XRN2: variants seen among roughly 807,000 people sequenced by gnomAD.
The protein encoded by XRN2 is 5'-3' exoribonuclease 2, also known as DHM1-like protein.
XRN2 carries 44 observed loss-of-function variants against 138.5 expected under a neutral mutation model. The ratio of observed to expected loss-of-function variants is 0.32; its 90% CI spans 0.25 to 0.41. XRN2 has a LOEUF of 0.41. XRN2 is among the 10% of genes least tolerant of loss of function. The pLI is 1.00. For missense variants in XRN2, 937 were observed against 1,169.3 expected, an observed-to-expected ratio of 0.80 and a Z score of 2.90; for synonymous variants, 354 against 369.4, an observed-to-expected ratio of 0.96 and a Z score of 0.48.
At chr20:21,319,449 T>G (rs763575286) in intron 1 of XRN2, among the ~76,000 whole-genome samples, 3 of 152,150 alleles carry the variant, frequency 2.0e-5, no homozygotes, top group Non-Finnish European at 4.4e-5. Context: ...TTTCTCTATT[T>G]CTCCTTTGTG....
In XRN2 at chr20:21,356,169, T is replaced by A; in HGVS notation, c.2110T>A (p.Ser704Thr). 1 of 1,606,934 alleles carries A rather than the reference T, an allele frequency of 6.2e-7. No individual in the cohort carries two copies. The highest frequency in any genetic ancestry group is 1.3e-5 in the African/African-American group (1 of 74,630). Residue 704 changes from serine (S) to threonine (T), a missense_variant, in exon 22 of 30, where the codon TCC (serine) becomes ACC (threonine). Transcript: ENST00000377191. ...DFILELYQTG[S>T]TEPVEVPPEL... ...CATTTTAGAGCTGTACCAGACAGGT[T>A]CCACAGAGGTATGTTACGCAATTTG...
chr20:21,344,931 C>A (rs1024956203), intron 16 of XRN2, among the ~76,000 whole-genome samples: 1 of 152,170 alleles, frequency 6.6e-6, no homozygotes, highest in East Asian at 1.9e-4. Context: ...GGAAAACGAT[C>A]TATTTCAAAG....
Position 21,348,266 on chromosome 20 carries a change from A to G in XRN2, c.1773+13A>G. ...GGGTACGAAACCGGTAAGCTTAATT[A>G]CTTAAAGTCATAAAGTTTATAGAAT... On this transcript the variant is annotated intron_variant, in intron 18 of 29. Transcript: ENST00000377191. The G allele has an allele frequency of 1.2e-6, 2 of 1,612,918 alleles. No homozygotes were observed. Among genetic ancestry groups the G allele is most frequent in the South Asian group, 2.2e-5 (2 of 90,742 alleles).
In XRN2 at chr20:21,357,760, G is replaced by A. The variant is rs369873705; in HGVS notation, c.2223G>A (p.Met741Ile). The A allele has an allele frequency of 7.5e-6, 12 of 1,598,418 alleles. No homozygotes were observed. In the African/African-American group the frequency reaches 1.1e-4, roughly 14 times the overall value. ...GAATAGTATGTTCTCCTGTTCCTAT[G>A]TTAAGGGATCTGACACAGAACACTG... ...PDQIVCSPVP[M>I]LRDLTQNTVV... The change falls in exon 24 of 30, where the codon ATG becomes ATA. Residue 741 changes from methionine to isoleucine, a missense_variant. Coordinates refer to ENST00000377191, the MANE Select transcript of XRN2 (RefSeq NM_012255.5).
intron 28 of XRN2, among the ~76,000 whole-genome samples, chr20:21,384,194 A>C (rs2038914101): frequency 1.3e-5 from 2 of 152,202 alleles, no homozygotes; most frequent in African/African-American, 4.8e-5. Context: ...CCAGCATTGG[A>C]GTTCCCTTTG....
intron 13 of XRN2, among the ~76,000 whole-genome samples, chr20:21,336,199 C>G (rs987475974): frequency 6.6e-6 from 1 of 152,184 alleles, no homozygotes; most frequent in African/African-American, 2.4e-5. Flanking sequence ...GTGGCTCATG[C>G]CTTTAATCCC....
At chr20:21,320,392 C>T (rs1306638492) in intron 1 of XRN2, among the ~76,000 whole-genome samples, 2 of 151,898 alleles carry the variant, frequency 1.3e-5, no homozygotes, top group Non-Finnish European at 2.9e-5. Flanking sequence ...CTCCACCTCC[C>T]GGGTTCACGC....
intron 27 of XRN2, among the ~76,000 whole-genome samples, chr20:21,371,782 AG>A (rs758584451): frequency 3.3e-5 from 5 of 152,256 alleles, no homozygotes; most frequent in Non-Finnish European, 7.3e-5. Context: ...GAAAGAAGCC[AG>A]AAGGTTCTTT....
At chr20:21,305,250 TCTTA>T (rs1036876031) in intron 1 of XRN2, among the ~76,000 whole-genome samples, 72 of 152,324 alleles carry the variant, frequency 4.7e-4, no homozygotes, top group Middle Eastern at 3.4e-3. Flanking sequence ...TGGATCATCA[TCTTA>T]CTTCATTTGT....
chr20:21,368,520 T>C lies in XRN2; in HGVS notation c.2514T>C (p.Pro838=). 1 of 1,614,100 alleles carries C rather than the reference T, an allele frequency of 6.2e-7. No individual in the cohort carries two copies. The highest frequency in any genetic ancestry group is 8.5e-7 in the Non-Finnish European group (1 of 1,179,960). The change falls in exon 27 of 30, where the codon CCT becomes CCC. Residue 838 remains proline (P), a synonymous_variant. Transcript: ENST00000377191. ...TTTACAGCAATGCTGCACCACCACC[T>C]GTGACTTACCAGGGAAACTTATACA... ...TGIYSNAAPP[P]VTYQGNLYRP...
Position 21,303,337 on chromosome 20 carries a change from G to C in XRN2, c.-62G>C, listed in dbSNP as rs1309957086. 10 of 1,529,682 alleles carry C rather than the reference G, an allele frequency of 6.5e-6. No individual in the cohort carries two copies. In the East Asian group the frequency reaches 2.1e-4, roughly 31 times the overall value. The allele number at this position is 1,529,682 out of a possible 1,614,324, so 94.8% of individuals were successfully genotyped here. A position where few individuals can be genotyped will look rare whatever the true frequency, so the allele number is the denominator to read the frequency against. On this transcript the variant is annotated 5_prime_UTR_variant, in exon 1 of 30. Transcript: ENST00000377191. ...GGAAGTGCTGGTGCCCTCTGCCGCT[G>C]CTCCCGTCTCTTTGGTTACGCTCGT...
chr20:21,348,408 G>GGGGTAGAA lies in XRN2; in HGVS notation c.1842_1843insGGTAGAAG (p.Arg615GlyfsTer7). 1.2e-6 allele frequency: 2 copies of GGGGTAGAA among 1,614,050 alleles called. No individual in the cohort carries two copies. The highest frequency in any genetic ancestry group is 1.7e-6 in the Non-Finnish European group (2 of 1,179,990). On this transcript the variant is annotated frameshift_variant, in exon 19 of 30. Coordinates refer to ENST00000377191, the MANE Select transcript of XRN2 (RefSeq NM_012255.5). LOFTEE classifies it high-confidence loss of function. ...AGTGGTAATTTTCTACCTCCATCAT[G>GGGGTAGAA]GCGGAAGCTCATGAGTGATCCTGTG...
chr20:21,370,218 C>G (rs1222523579), intron 27 of XRN2, among the ~76,000 whole-genome samples: 1 of 152,098 alleles, frequency 6.6e-6, no homozygotes, highest in Non-Finnish European at 1.5e-5. Flanking sequence ...GGTCTGTTAT[C>G]TGTTTTGATG....
At chr20:21,349,095 G>A (rs555992905) in intron 19 of XRN2, among the ~76,000 whole-genome samples, 1 of 152,148 alleles carries the variant, frequency 6.6e-6, no homozygotes, top group African/African-American at 2.4e-5. Context: ...AGACCCAGCC[G>A]GGAAGTAGGA....
rs1360919514 is a variant in XRN2 at position 21,340,707 on chromosome 20, T to C, written c.1279-14T>C. 2 of 1,608,594 alleles carry C rather than the reference T, an allele frequency of 1.2e-6. No individual in the cohort carries two copies. Among genetic ancestry groups the C allele is most frequent in the African/African-American group, 2.7e-5 (2 of 74,744 alleles). ...ATTTAATTTTAATTTCTACATTCAT[T>C]CCATTTATGTTAGAGAGATCAACCA... On this transcript the variant is annotated splice_polypyrimidine_tract_variant and intron_variant, in intron 14 of 29. Coordinates refer to ENST00000377191, the MANE Select transcript of XRN2 (RefSeq NM_012255.5).
At position 21,371,092 on chromosome 20, in the gene XRN2, ACC is replaced by A. The variant is rs201072381; in HGVS notation, c.2584+2505_2584+2506del. Among the ~76,000 whole-genome samples the A allele has an allele frequency of 6.3e-3, 966 of 152,242 alleles. 10 individuals are homozygous for A. Among genetic ancestry groups the A allele is most frequent in the African/African-American group, 0.023 (940 of 41,544 alleles). On this transcript the variant is annotated intron_variant, in intron 27 of 29. Transcript: ENST00000377191. The stretch of plus-strand genomic sequence containing the variant: ...AACAGAGTGATACTTTGTTATAGAT[ACC>A]CCTCAGAGCTGTTTTTAAACCGAAG...
intron 9 of XRN2, 108 bp downstream of exon 9, chr20:21,332,548 TA>T: frequency 4.5e-6 from 5 of 1,110,900 alleles, no homozygotes; most frequent in Non-Finnish European, 6.0e-6. Flanking sequence ...TACAATTAAA[TA>T]GCATTAAATA....
chr20:21,333,559 G>A lies in XRN2; in HGVS notation c.874G>A (p.Asp292Asn), dbSNP rs375973142. Reference sequence around the variant, plus strand: ...GTTCTTGCAGCATGATGAACTTGCCGATAGTCTTCCTTGTGCAGAAGGAGA... The same window carrying A: ...GTTCTTGCAGCATGATGAACTTGCCAATAGTCTTCCTTGTGCAGAAGGAGA... Reference protein sequence around the residue: ...EKKGKHDELADSLPCAEGEFI... With the variant: ...EKKGKHDELANSLPCAEGEFI... The change falls in exon 10 of 30, where the codon GAT becomes AAT. Residue 292 changes from aspartate (D) to asparagine (N), a missense_variant. This residue lies in a region of XRN2 where 471 missense variants were observed against 581.2 expected (regional missense o/e 0.81). Transcript: ENST00000377191. 14 of 1,613,028 alleles carry A rather than the reference G, an allele frequency of 8.7e-6. No individual in the cohort carries two copies. Among genetic ancestry groups the A allele is most frequent in the East Asian group, 2.2e-5 (1 of 44,846 alleles).
At chr20:21,334,281 A>C (rs569760911) in intron 13 of XRN2, 96 bp downstream of exon 13, 1 of 992,622 alleles carries the variant, frequency 1.0e-6, no homozygotes, top group Admixed American at 2.2e-5. Context: ...GTGTGTTTTT[A>C]TATCATTATG....
Sources: allele counts gnomAD v4.1 joint callset (sites outside exome capture counted in the v4.1 genomes callset), GRCh38; gene constraint gnomAD v4.1.1; regional missense constraint gnomAD v4.1.1; transcripts MANE v1.5; gene names NCBI Gene and HGNC (gene_info 2026-07-23, HGNC 2026-07-21).